The following SIM2 variants were observed in gnomAD, a reference collection of about 807,000 sequenced individuals.
The protein encoded by SIM2 is SIM bHLH transcription factor 2.
Under a neutral mutation model 64.8 loss-of-function variants are expected in SIM2, and 28 were observed. That is an observed-to-expected ratio of 0.43 (90% CI 0.32 to 0.59). The LOEUF (loss-of-function observed/expected upper bound fraction) is 0.59, where lower values mean the gene tolerates loss of function less well. Among genes scored for constraint, SIM2 ranks in the 20% least tolerant of loss-of-function variants. The pLI is 0.07. For synonymous variants in SIM2, 408 were observed against 391.1 expected (o/e 1.04, Z -0.51); for missense variants, 847 against 871.4 (o/e 0.97, Z 0.35).
chr21:36,704,975 A>G (rs1568923418), intron 1 of SIM2, among the ~76,000 whole-genome samples: 1 of 152,184 alleles, frequency 6.6e-6, no homozygotes, highest in Non-Finnish European at 1.5e-5. Flanking sequence ...AATTGCGACA[A>G]TTTACTGGGA....
At chr21:36,742,200 A>G (rs979906848) in intron 8 of SIM2, among the ~76,000 whole-genome samples, 6 of 151,968 alleles carry the variant, frequency 3.9e-5, no homozygotes, top group African/African-American at 1.2e-4. Flanking sequence ...GGGTGCAAAG[A>G]GGGTGCACAC....
chr21:36,740,053 A>AAGAAAGAAAGAAAG (rs1568940179), intron 7 of SIM2, among the ~76,000 whole-genome samples: 1 of 132,406 alleles, frequency 7.6e-6, no homozygotes, highest in African/African-American at 2.6e-5. Context: ...GAAAGAAAGA[A>AAGAAAGAAAGAAAG]AGAAAGAGAA....
intron 6 of SIM2, among the ~76,000 whole-genome samples, chr21:36,729,103 GC>G (rs1268913799): frequency 6.6e-6 from 1 of 152,208 alleles, no homozygotes; most frequent in Non-Finnish European, 1.5e-5. Context: ...AATTTTTAAA[GC>G]CAGTGTGTAC....
At chr21:36,725,929 GT>G (rs2088883928) in intron 5 of SIM2, among the ~76,000 whole-genome samples, 189 bp from the exon 6 acceptor site, 1 of 152,226 alleles carries the variant, frequency 6.6e-6, no homozygotes, top group Non-Finnish European at 1.5e-5. Context: ...CTGTTATGTT[GT>G]TTCCTAAGAA....
In SIM2 at chr21:36,749,007, T is replaced by C. The variant is rs1240668902; in HGVS notation, c.*915T>C. The C allele has an allele frequency of 6.6e-6, 1 of 152,642 alleles. No homozygotes were observed. Among genetic ancestry groups the C allele is most frequent in the Non-Finnish European group, 1.5e-5 (1 of 68,040 alleles). 9.5% of individuals were successfully genotyped at this position (152,642 alleles called of 1,614,324 possible). On this transcript the variant is annotated 3_prime_UTR_variant, in exon 11 of 11. Transcript: ENST00000290399. ...CACGTGCAATACGGAACACTGTCAA[T>C]GGACTGCACCTTGTGAAGGAAAAAC...
At chr21:36,707,963 G>GCAGTT (rs1406212736) in intron 1 of SIM2, among the ~76,000 whole-genome samples, 2 of 149,288 alleles carry the variant, frequency 1.3e-5, no homozygotes, top group Non-Finnish European at 3.0e-5. Context: ...CTGGGGCTGG[G>GCAGTT]CCTGGCCCAG....
chr21:36,728,098 G>C (rs1171316792), intron 6 of SIM2, among the ~76,000 whole-genome samples: 1 of 152,236 alleles, frequency 6.6e-6, no homozygotes, highest in Non-Finnish European at 1.5e-5. Context: ...GCGCTGCAGG[G>C]AGAGAAGGCA....
intron 5 of SIM2, among the ~76,000 whole-genome samples, chr21:36,725,705 C>T (rs1288706338): frequency 3.9e-5 from 6 of 152,112 alleles, no homozygotes; most frequent in Admixed American, 6.6e-5. Flanking sequence ...CTGCAACCCC[C>T]GCCTCCAGGG....
chr21:36,703,760 G>C (rs1284970282), intron 1 of SIM2, among the ~76,000 whole-genome samples: 1 of 152,250 alleles, frequency 6.6e-6, no homozygotes. Flanking sequence ...CCTCCCCAAA[G>C]TGTGGCCCTC....
At chr21:36,735,183 G>A (rs1488525022) in intron 7 of SIM2, among the ~76,000 whole-genome samples, 1 of 152,154 alleles carries the variant, frequency 6.6e-6, no homozygotes, top group African/African-American at 2.4e-5. Flanking sequence ...GCTCTCAGGG[G>A]GCCTTGATTG....
At chr21:36,741,538 C>G (rs186199590) in intron 7 of SIM2, among the ~76,000 whole-genome samples, 179 bp from the exon 8 acceptor site, 1 of 151,762 alleles carries the variant, frequency 6.6e-6, no homozygotes, top group Admixed American at 6.5e-5. Context: ...TGTATATGCA[C>G]GCGTGTGTGT....
Position 36,719,693 on chromosome 21 carries a change from G to T in SIM2, c.349-128G>T, listed in dbSNP as rs575648158. ...AAAACTGTTTCTGCGTTTGGCAAAG[G>T]TGTGGGTTGTCAGCAGAGATCAAAG... On this transcript the variant is annotated intron_variant, in intron 3 of 10. Coordinates refer to ENST00000290399, the MANE Select transcript of SIM2 (RefSeq NM_005069.6). 53 of 660,478 alleles carry T rather than the reference G, an allele frequency of 8.0e-5. No individual in the cohort carries two copies. The Admixed American group carries it at 9.4e-4, about 12-fold the overall frequency. 40.9% of individuals were successfully genotyped at this position (660,478 alleles called of 1,614,324 possible).
chr21:36,745,183 C>T lies in SIM2; in HGVS notation c.1576+47C>T, dbSNP rs764825979. ...GGAAGGTGGGAGGACTGCGCACGGC[C>T]GGGAGCCGAAGCAGCCATGGCGGTG... On this transcript the variant is annotated intron_variant, in intron 10 of 10. Transcript: ENST00000290399. The surrounding 1 kb of genome is among the most constrained non-coding windows in gnomAD (Gnocchi z 4.8). The T allele has an allele frequency of 3.6e-5, 56 of 1,563,596 alleles. No homozygotes were observed. Among genetic ancestry groups the T allele is most frequent in the South Asian group, 5.9e-5 (5 of 84,040 alleles).
intron 7 of SIM2, among the ~76,000 whole-genome samples, chr21:36,740,981 C>T (rs915378254): frequency 6.6e-6 from 1 of 152,200 alleles, no homozygotes; most frequent in African/African-American, 2.4e-5. Context: ...CTTTCCTCCC[C>T]CACCTGCCTC....
Position 36,748,016 on chromosome 21 carries a change from C to T in SIM2, c.1928C>T (p.Pro643Leu), listed in dbSNP as rs1173298591. Residue 643 changes from proline to leucine, a missense_variant, in exon 11 of 11, where the codon CCC becomes CTC. Transcript: ENST00000290399. ...GCGCTGCGGCTCCGGCACCCGAGCC[C>T]CGCCGCCACCTCCCCGCCCGGCGCG... The part of the protein sequence containing the change: ...TGALRLRHPS[P>L]AATSPPGAPL... 1.4e-5 allele frequency: 16 copies of T among 1,159,872 alleles called. No homozygotes were observed. The highest frequency in any genetic ancestry group is 1.6e-5 in the Non-Finnish European group (15 of 942,868). The allele number at this position is 1,159,872 out of a possible 1,614,324, so 71.8% of individuals were successfully genotyped here.
chr21:36,721,541 G>A lies in SIM2; in HGVS notation c.458-1504G>A, dbSNP rs573016274. On this transcript the variant is annotated intron_variant, in intron 4 of 10. Transcript: ENST00000290399. ...TGCAACCTCCACCACCTGGGTTCAA[G>A]CGATTCTCCTGCCTCAGCCCTCCCA... Among the ~76,000 whole-genome samples, 16 of 152,162 alleles carry A rather than the reference G, an allele frequency of 1.1e-4. 1 individual carries two copies. Among genetic ancestry groups the A allele is most frequent in the Admixed American group, 8.5e-4 (13 of 15,296 alleles).
In SIM2 at chr21:36,745,236, G is replaced by A. The variant is rs1478963884; in HGVS notation, c.1576+100G>A. The A allele has an allele frequency of 5.4e-6, 8 of 1,481,496 alleles. No homozygotes were observed. The highest frequency in any genetic ancestry group is 2.8e-5 in the South Asian group (2 of 70,708). 91.8% of individuals were successfully genotyped at this position (1,481,496 alleles called of 1,614,324 possible). On this transcript the variant is annotated intron_variant, in intron 10 of 10. Coordinates refer to ENST00000290399, the MANE Select transcript of SIM2 (RefSeq NM_005069.6). This position sits in a 1 kb window ranked among gnomAD's most constrained non-coding sequence, Gnocchi z 4.8. The stretch of plus-strand genomic sequence containing the variant: ...TGGCAGATGGAGACAGAACCCTCAC[G>A]CTTTGGGCAAACTTGCCCTCTTTCT...
intron 7 of SIM2, 67 bp downstream of exon 7, chr21:36,731,218 CG>C: frequency 8.8e-7 from 1 of 1,138,034 alleles, no homozygotes; most frequent in Non-Finnish European, 1.3e-6. Context: ...AGGACAGAGC[CG>C]GGGGACGTGT....
intron 5 of SIM2, among the ~76,000 whole-genome samples, chr21:36,725,062 G>C (rs1421930745): frequency 1.3e-5 from 2 of 152,162 alleles, no homozygotes; most frequent in African/African-American, 4.8e-5. Context: ...AAATTGTACT[G>C]GGGCAGGGCA....
Sources: gnomAD v4.1 joint callset for allele counts (sites outside exome capture counted in the v4.1 genomes callset) on GRCh38, gnomAD v4.1.1 for gene constraint, Gnocchi (gnomAD v3.1) non-coding constraint, MANE v1.5 for transcripts, NCBI Gene and HGNC (gene_info 2026-07-23, HGNC 2026-07-21) for gene names.